Variants in SPOCK3 observed in about 807,000 individuals in gnomAD.
The protein encoded by SPOCK3 is testican-3.
Under a neutral mutation model 56.6 loss-of-function variants are expected in SPOCK3, and 30 were observed. That is an observed-to-expected ratio of 0.53 (90% CI 0.40 to 0.72). The LOEUF is 0.72. Ranked by LOEUF, SPOCK3 falls within the 30% of genes least tolerant of loss-of-function variation. The pLI, the probability that SPOCK3 is intolerant of heterozygous loss-of-function variation, is 0.00. For synonymous variants in SPOCK3, 196 were observed against 183.3 expected (o/e 1.07, Z -0.56); for missense variants, 527 against 530.0 (o/e 0.99, Z 0.06).
At chr4:166,942,305 G>A (rs1046576781) in intron 4 of SPOCK3, among the ~76,000 whole-genome samples, 4 of 151,522 alleles carry the variant, frequency 2.6e-5, no homozygotes, top group Non-Finnish European at 4.4e-5. Context: ...CTGCCTCCTG[G>A]GTTCAAGTGA....
At chr4:166,796,970 T>C (rs953677153) in intron 6 of SPOCK3, among the ~76,000 whole-genome samples, 4 of 152,198 alleles carry the variant, frequency 2.6e-5, no homozygotes, top group Non-Finnish European at 5.9e-5. Flanking sequence ...TCTCTCAGTG[T>C]CAACTCCAAT....
chr4:166,981,035 G>A (rs113155751), intron 4 of SPOCK3, among the ~76,000 whole-genome samples: 2,993 of 152,280 alleles, frequency 0.02, 43 homozygotes, highest in Non-Finnish European at 0.029. Flanking sequence ...ACTGGAGGGT[G>A]AGCAAGGCAG....
intron 2 of SPOCK3, among the ~76,000 whole-genome samples, chr4:167,160,155 C>A (rs978167951): frequency 1.3e-5 from 2 of 151,972 alleles, no homozygotes; most frequent in African/African-American, 2.4e-5. Context: ...TTGTCTCAGC[C>A]CAAAATCTCC....
intron 2 of SPOCK3, among the ~76,000 whole-genome samples, chr4:167,222,331 T>C (rs1736004915): frequency 6.6e-6 from 1 of 151,906 alleles, no homozygotes; most frequent in East Asian, 1.9e-4. Flanking sequence ...GTATAAAGTT[T>C]CAGTTCTGCA....
At chr4:167,142,350 C>T (rs1404588540) in intron 2 of SPOCK3, among the ~76,000 whole-genome samples, 1 of 151,854 alleles carries the variant, frequency 6.6e-6, no homozygotes, top group Non-Finnish European at 1.5e-5. Context: ...AAGATTCAAT[C>T]AGCAGGCATG....
At chr4:167,211,706 T>C (rs1734895321) in intron 2 of SPOCK3, among the ~76,000 whole-genome samples, 2 of 152,226 alleles carry the variant, frequency 1.3e-5, no homozygotes, top group South Asian at 2.1e-4. Flanking sequence ...CTCAGCCACA[T>C]GGAACTCTAA....
intron 6 of SPOCK3, among the ~76,000 whole-genome samples, chr4:166,856,058 CAGAA>C (rs1222790295): frequency 5.3e-5 from 8 of 151,524 alleles, no homozygotes; most frequent in African/African-American, 1.5e-4. Flanking sequence ...GTATGGCAGA[CAGAA>C]AGAAAGACAA....
chr4:167,038,415 G>A (rs1752952131), intron 3 of SPOCK3, among the ~76,000 whole-genome samples: 1 of 152,080 alleles, frequency 6.6e-6, no homozygotes, highest in African/African-American at 2.4e-5. Context: ...AGGTGGCTCT[G>A]ATTATCTACA....
In SPOCK3 at chr4:166,745,206, A is replaced by G. The variant is rs1261736095; in HGVS notation, c.932-3147T>C. On this transcript the variant is annotated intron_variant, in intron 8 of 10. Coordinates refer to ENST00000357545, the MANE Select transcript of SPOCK3 (RefSeq NM_001040159.2). ...AATTTTCATATGCACCAAGGTGGAA[A>G]TGAAGGAAAAAATGTTAAGGGCAGC... is the stretch of plus-strand genomic sequence containing the variant. Among the ~76,000 whole-genome samples the G allele has an allele frequency of 2.6e-5, 4 of 152,202 alleles. 1 individual carries two copies. Among genetic ancestry groups the G allele is most frequent in the Admixed American group, 6.5e-5 (1 of 15,280 alleles).
At chr4:167,217,517 T>C (rs972948362) in intron 2 of SPOCK3, among the ~76,000 whole-genome samples, 16 of 152,094 alleles carry the variant, frequency 1.1e-4, no homozygotes, top group African/African-American at 3.1e-4. Flanking sequence ...TTGTGTTATA[T>C]AAGGGACTTG....
At chr4:166,823,021 T>C (rs773961340) in intron 6 of SPOCK3, among the ~76,000 whole-genome samples, 6 of 152,112 alleles carry the variant, frequency 3.9e-5, no homozygotes, top group Non-Finnish European at 7.4e-5. Context: ...CATATGTGAC[T>C]GGAGTTGATA....
chr4:167,195,329 A>G (rs993325225), intron 2 of SPOCK3, among the ~76,000 whole-genome samples: 2 of 152,194 alleles, frequency 1.3e-5, no homozygotes, highest in African/African-American at 4.8e-5. Flanking sequence ...GATGAGTTAC[A>G]AGGCCATTTC....
At chr4:167,058,972 C>T (rs1755251080) in intron 3 of SPOCK3, among the ~76,000 whole-genome samples, 1 of 152,016 alleles carries the variant, frequency 6.6e-6, no homozygotes, top group Non-Finnish European at 1.5e-5. Flanking sequence ...AACTGGATCC[C>T]TTCCTTACAC....
At chr4:167,104,714 G>C (rs567586748) in intron 2 of SPOCK3, among the ~76,000 whole-genome samples, 1 of 151,866 alleles carries the variant, frequency 6.6e-6, no homozygotes, top group African/African-American at 2.4e-5. Context: ...CCTAGGGAAA[G>C]ATATCAATGT....
chr4:167,056,722 G>A (rs1479674547), intron 3 of SPOCK3, among the ~76,000 whole-genome samples: 2 of 152,198 alleles, frequency 1.3e-5, no homozygotes, highest in African/African-American at 4.8e-5. Context: ...GAAGCGAGAA[G>A]GGAAGTTTAG....
intron 2 of SPOCK3, among the ~76,000 whole-genome samples, chr4:167,133,925 A>T (rs1482806617): frequency 6.6e-6 from 1 of 152,192 alleles, no homozygotes; most frequent in African/African-American, 2.4e-5. Flanking sequence ...TCTTCAAAAT[A>T]AGCACAGTCA....
intron 6 of SPOCK3, among the ~76,000 whole-genome samples, chr4:166,859,086 T>A (rs569894992): frequency 6.6e-5 from 10 of 152,188 alleles, no homozygotes; most frequent in Non-Finnish European, 1.2e-4. Flanking sequence ...ACCATTGTGT[T>A]ACAATTGTCT....
rs535467818 is a variant in SPOCK3 at position 166,776,723 on chromosome 4, C to T, written c.709+15447G>A. ...GTTAAGGAAAAAGACCAATATCCTA[C>T]GTGTCCTGATGAAAATAATGTTAGA... On this transcript the variant is annotated intron_variant, in intron 7 of 10. Coordinates refer to ENST00000357545, the MANE Select transcript of SPOCK3 (RefSeq NM_001040159.2). Among the ~76,000 whole-genome samples the T allele has an allele frequency of 1.3e-4, 20 of 152,150 alleles. No homozygotes were observed. In the East Asian group the frequency reaches 3.7e-3, roughly 28 times the overall value.
At chr4:167,036,840 C>T (rs767655216) in intron 3 of SPOCK3, among the ~76,000 whole-genome samples, 16 of 151,632 alleles carry the variant, frequency 1.1e-4, no homozygotes, top group Admixed American at 6.6e-4. Context: ...TGCCCTCTAA[C>T]GCTGTTATAT....
Sources: allele counts gnomAD v4.1 joint callset (sites outside exome capture counted in the v4.1 genomes callset), GRCh38; gene constraint gnomAD v4.1.1; transcripts MANE v1.5; gene names NCBI Gene and HGNC (gene_info 2026-07-23, HGNC 2026-07-21).